SRGAP2: variants seen among roughly 807,000 people sequenced by gnomAD.
SRGAP2 encodes the protein SLIT-ROBO Rho GTPase activating protein 2.
In SRGAP2, 15 loss-of-function variants were observed where a neutral mutation model predicts 57.2. The observed-to-expected ratio is 0.26, with a 90% CI of 0.18 to 0.40. SRGAP2 has a LOEUF of 0.40. SRGAP2 is among the 10% of genes least tolerant of loss of function. SRGAP2 has a pLI of 1.00. For missense variants in SRGAP2, 520 were observed against 669.6 expected (o/e 0.78, Z 2.47); for synonymous variants, 249 against 248.0 (o/e 1.00, Z -0.04).
chr1:206,250,523 G>T (rs1166142116), intron 2 of SRGAP2, among the ~76,000 whole-genome samples: 267 of 97,462 alleles, frequency 2.7e-3, no homozygotes, highest in Non-Finnish European at 3.5e-3. Flanking sequence ...CCCCAGATGT[G>T]TCAGGAGCAC....
At chr1:206,335,310 G>T (rs1404568713) in intron 3 of SRGAP2, among the ~76,000 whole-genome samples, 1 of 152,096 alleles carries the variant, frequency 6.6e-6, no homozygotes, top group East Asian at 1.9e-4. Flanking sequence ...CTATAGTTCT[G>T]GGAATGCTAG....
At chr1:206,438,314 C>G (rs533113503) in intron 16 of SRGAP2, among the ~76,000 whole-genome samples, 2 of 151,858 alleles carry the variant, frequency 1.3e-5, no homozygotes, top group South Asian at 4.2e-4. Context: ...CAAGTCAGTA[C>G]TCCTGGCCTT....
chr1:206,327,807 T>TTC lies in SRGAP2; in HGVS notation c.261-15038_261-15037insCT, dbSNP rs1491564686. On this transcript the variant is annotated intron_variant, in intron 3 of 22. Coordinates refer to ENST00000573034, the MANE Select transcript of SRGAP2 (RefSeq NM_015326.5). ...CTAGCACTACAACTACACTGAATCATTTTTTTTTTTTTTTAATACTTTAAG... is the reference window on the plus strand; with the variant it reads ...CTAGCACTACAACTACACTGAATCATTCTTTTTTTTTTTTTTAATACTTTAAG... Among the ~76,000 whole-genome samples, 118 of 27,162 alleles carry TTC rather than the reference T, an allele frequency of 4.3e-3. 2 individuals carry two copies. The highest frequency in any genetic ancestry group is 0.022 in the East Asian group (9 of 412). 17.8% of individuals were successfully genotyped at this position (27,162 alleles called of 152,430 possible).
At position 206,423,930 on chromosome 1, in the gene SRGAP2, A is replaced by AC. The variant is rs534328588; in HGVS notation, c.1494+2657dup. Among the ~76,000 whole-genome samples, 3 of 135,032 alleles carry AC rather than the reference A, an allele frequency of 2.2e-5. No individual in the cohort carries two copies. In the South Asian group the frequency reaches 7.5e-4, roughly 34 times the overall value. 88.6% of individuals were successfully genotyped at this position (135,032 alleles called of 152,430 possible). On this transcript the variant is annotated intron_variant, in intron 13 of 22. Coordinates refer to ENST00000573034, the MANE Select transcript of SRGAP2 (RefSeq NM_015326.5). ...GCTGGGACTACAGGTGCACACCACC[A>AC]CGCCTGGCTAATTTATGTATTTTTT...
chr1:206,437,359 C>G (rs1379791123), intron 15 of SRGAP2, among the ~76,000 whole-genome samples: 6 of 152,306 alleles, frequency 3.9e-5, no homozygotes, highest in African/African-American at 1.4e-4. Context: ...CAGTTAATAT[C>G]AAGGCTAATG....
At chr1:206,409,044 AT>A (rs1447523967) in intron 10 of SRGAP2, among the ~76,000 whole-genome samples, 2 of 129,500 alleles carry the variant, frequency 1.5e-5, no homozygotes, top group Non-Finnish European at 3.2e-5. Flanking sequence ...TGAAATAGAC[AT>A]TTATGGAAAA....
rs781991193 is a variant in SRGAP2, at chr1:206,437,971, C to T, written c.1641C>T (p.Asp547=). The change falls in exon 16 of 23, where the codon GAC becomes GAT. Residue 547 remains aspartate, a synonymous_variant. Transcript: ENST00000573034. ...GGGGTTGCTTATCCTCAGGAGAGGA[C>T]CCCCTGGCTGGGGACCAGAACGACC... ...DIKNAFERGE[D]PLAGDQNDHD... 12 of 780,600 alleles carry T rather than the reference C, an allele frequency of 1.5e-5. No individual in the cohort carries two copies. The highest frequency in any genetic ancestry group is 3.4e-5 in the African/African-American group (2 of 59,118). The allele number at this position is 780,600 out of a possible 1,614,324, so 48.4% of individuals were successfully genotyped here. A position where few individuals can be genotyped will look rare whatever the true frequency, so the allele number is the denominator to read the frequency against.
rs782709336 is a variant in SRGAP2 at position 206,393,637 on chromosome 1, C to T, written c.795C>T (p.Phe265=). 8.0e-6 allele frequency: 6 copies of T among 746,022 alleles called. No individual in the cohort carries two copies. The highest frequency in any genetic ancestry group is 1.5e-5 in the Non-Finnish European group (6 of 401,396). The allele number at this position is 746,022 out of a possible 1,614,324, so 46.2% of individuals were successfully genotyped here. A position where few individuals can be genotyped will look rare whatever the true frequency, so the allele number is the denominator to read the frequency against. Residue 265 remains phenylalanine (F), a synonymous_variant, in exon 7 of 23, where the codon TTC becomes TTT. Transcript: ENST00000573034. Reference sequence around the variant, plus strand: ...TGGAGGCAACCAATGCATCTGTCTTCAAGTACTACATCCATGACCTATCTG... The same window carrying T: ...TGGAGGCAACCAATGCATCTGTCTTTAAGTACTACATCCATGACCTATCTG... ...LALEATNASV[F]KYYIHDLSDL... is the part of the protein sequence containing the mutation.
intron 2 of SRGAP2, among the ~76,000 whole-genome samples, chr1:206,253,467 T>C (rs566852763): frequency 6.6e-6 from 1 of 152,042 alleles, no homozygotes; most frequent in African/African-American, 2.4e-5. Flanking sequence ...TTCCTTGACC[T>C]TGGACTTCCT....
chr1:206,440,012 G>C lies in SRGAP2; in HGVS notation c.1805G>C (p.Arg602Pro). Reference protein sequence around the residue: ...DNLQERALHIRKVLLVLPKTT... With the variant: ...DNLQERALHIPKVLLVLPKTT... ...CTGCAGGAGAGAGCTCTGCACATCC[G>C]GAAAGTCCTCCTAGTCCTGCCCAAA... The change falls in exon 17 of 23, where the codon CGG becomes CCG. Residue 602 changes from arginine to proline, a missense_variant. Transcript: ENST00000573034. 1 of 780,810 alleles carries C rather than the reference G, an allele frequency of 1.3e-6. No individual in the cohort carries two copies. Among genetic ancestry groups the C allele is most frequent in the East Asian group, 2.4e-5 (1 of 41,240 alleles). 48.4% of individuals were successfully genotyped at this position (780,810 alleles called of 1,614,324 possible).
chr1:206,226,806 G>T (rs1330745215), intron 2 of SRGAP2, among the ~76,000 whole-genome samples: 1 of 152,186 alleles, frequency 6.6e-6, no homozygotes, highest in Non-Finnish European at 1.5e-5. Flanking sequence ...GAAATGACGT[G>T]CCATGTTACA....
chr1:206,313,483 C>T (rs1672822848), intron 3 of SRGAP2, among the ~76,000 whole-genome samples: 2 of 140,614 alleles, frequency 1.4e-5, no homozygotes, highest in Non-Finnish European at 3.1e-5. Flanking sequence ...GGGGAAGATA[C>T]TCTAGGAAAA....
chr1:206,433,375 A>G (rs114490673), intron 14 of SRGAP2, among the ~76,000 whole-genome samples: 2,035 of 152,322 alleles, frequency 0.013, 38 homozygotes, highest in South Asian at 0.054. Context: ...ATGGTGGCTC[A>G]TGCCTGTAAT....
At chr1:206,450,973 A>T (rs1212663304) in intron 19 of SRGAP2, among the ~76,000 whole-genome samples, 3 of 150,998 alleles carry the variant, frequency 2.0e-5, no homozygotes, top group East Asian at 3.9e-4. Context: ...ATAGCCTGGC[A>T]TGGTGGTGTG....
At chr1:206,428,219 G>A (rs868919239) in intron 13 of SRGAP2, among the ~76,000 whole-genome samples, 16 of 152,004 alleles carry the variant, frequency 1.1e-4, no homozygotes, top group Middle Eastern at 6.8e-3. Flanking sequence ...GATCGAGACC[G>A]TCCTGGCTAA....
chr1:206,256,338 C>A (rs1669181605), intron 2 of SRGAP2, among the ~76,000 whole-genome samples: 1 of 152,214 alleles, frequency 6.6e-6, no homozygotes, highest in Non-Finnish European at 1.5e-5. Flanking sequence ...TAGAAAGACT[C>A]TGTTCACATA....
chr1:206,335,837 C>T (rs1182923927), intron 3 of SRGAP2, among the ~76,000 whole-genome samples: 3 of 150,136 alleles, frequency 2.0e-5, no homozygotes, highest in Admixed American at 1.3e-4. Flanking sequence ...CTGTGAGCAC[C>T]GTGCCATAGG....
At chr1:206,458,500 CGAGTTCTGT>C (rs1368951479) in intron 21 of SRGAP2, 114 bp from the exon 22 acceptor site, 8 of 710,576 alleles carry the variant, frequency 1.1e-5, no homozygotes, top group Non-Finnish European at 1.8e-5. Flanking sequence ...GAGGAGAGAA[CGAGTTCTGT>C]GTCCCTCTCC....
intron 2 of SRGAP2, among the ~76,000 whole-genome samples, chr1:206,220,842 C>G (rs1457378244): frequency 2.0e-5 from 3 of 152,106 alleles, no homozygotes; most frequent in African/African-American, 7.2e-5. Flanking sequence ...CTGTCCCCTC[C>G]CCTCCTCACT....
Sources: allele counts gnomAD v4.1 joint callset (sites outside exome capture counted in the v4.1 genomes callset), GRCh38; gene constraint gnomAD v4.1.1; transcripts MANE v1.5; gene names NCBI Gene and HGNC (gene_info 2026-07-23, HGNC 2026-07-21).